DGKB: variants seen among roughly 807,000 people sequenced by gnomAD.
The protein encoded by DGKB is diacylglycerol kinase beta, also known as 90 kDa diacylglycerol kinase.
In DGKB, 67 loss-of-function variants were observed where a neutral mutation model predicts 114.3. That is an observed-to-expected ratio of 0.59 (90% CI 0.48 to 0.72). The LOEUF (loss-of-function observed/expected upper bound fraction) is 0.72. DGKB is among the 30% of genes least tolerant of loss of function. The probability of loss-of-function intolerance (pLI) is 0.00; values close to 1 mark genes in which losing one functional copy is unlikely to be tolerated. For missense variants in DGKB, 907 were observed against 975.2 expected, an observed-to-expected ratio of 0.93 and a Z score of 0.93; for synonymous variants, 398 against 323.1, an observed-to-expected ratio of 1.23 and a Z score of -2.49.
intron 21 of DGKB, among the ~76,000 whole-genome samples, chr7:14,359,524 C>A (rs1259831320): frequency 6.6e-6 from 1 of 151,564 alleles, no homozygotes. Context: ...TCAGAGTGAA[C>A]AGGCAACCTA....
Position 14,926,075 on chromosome 7 carries a change from C to A in DGKB, c.-188+48621G>T, listed in dbSNP as rs111764431. Among the ~76,000 whole-genome samples the A allele has an allele frequency of 2.6e-4, 40 of 152,132 alleles. 2 individuals are homozygous for A. The highest frequency in any genetic ancestry group is 9.4e-4 in the African/African-American group (39 of 41,534). On this transcript the variant is annotated intron_variant, in intron 1 of 4. Transcript: ENST00000437998. ...CAAATTGAAAGAAAAATCCTATAAT[C>A]CTAGTTTGCAGGGAGTTTTTATCAT... is the stretch of plus-strand genomic sequence containing the variant.
chr7:14,940,439 A>G (rs1418737467), intron 1 of DGKB, among the ~76,000 whole-genome samples: 1 of 152,084 alleles, frequency 6.6e-6, no homozygotes. Context: ...GCTGAGAAGA[A>G]CAGAATTCTT....
chr7:14,173,328 T>C (rs184094403), intron 25 of DGKB, among the ~76,000 whole-genome samples: 18 of 152,334 alleles, frequency 1.2e-4, no homozygotes, highest in Admixed American at 1.0e-3. Flanking sequence ...GACTTTTTTA[T>C]TGTGGTAAAA....
chr7:14,300,509 G>A (rs146495963), intron 23 of DGKB, among the ~76,000 whole-genome samples: 125 of 152,160 alleles, frequency 8.2e-4, no homozygotes, highest in African/African-American at 2.6e-3. Flanking sequence ...GTGTGAAAAT[G>A]ACTGCTTATT....
chr7:14,295,704 T>A (rs1045919169), intron 23 of DGKB, among the ~76,000 whole-genome samples: 11 of 152,120 alleles, frequency 7.2e-5, no homozygotes, highest in Admixed American at 3.3e-4. Context: ...CAAGACTTTT[T>A]AAAAAATTAT....
intron 4 of DGKB, among the ~76,000 whole-genome samples, chr7:14,741,433 C>T (rs1468231003): frequency 6.6e-6 from 1 of 152,162 alleles, no homozygotes; most frequent in Non-Finnish European, 1.5e-5. Flanking sequence ...AAGAGGAGTA[C>T]CTTAGGATGG....
At chr7:14,288,240 T>C (rs898032954) in intron 23 of DGKB, among the ~76,000 whole-genome samples, 3 of 144,060 alleles carry the variant, frequency 2.1e-5, no homozygotes, top group Non-Finnish European at 4.5e-5. Context: ...TTTAATTTTT[T>C]TTTTTTGTTA....
intron 2 of DGKB, among the ~76,000 whole-genome samples, chr7:14,792,000 T>G (rs532225009): frequency 6.6e-6 from 1 of 152,298 alleles, no homozygotes; most frequent in South Asian, 2.1e-4. Context: ...GAGTATTCCC[T>G]TCCCTTCTAT....
chr7:14,256,838 G>GT (rs1350022927), intron 23 of DGKB, among the ~76,000 whole-genome samples: 30 of 133,836 alleles, frequency 2.2e-4, no homozygotes, highest in Admixed American at 9.6e-4. Flanking sequence ...GCTTCTCCTT[G>GT]GTTTTTCTAT....
At chr7:14,160,770 T>G (rs1385654551) in intron 25 of DGKB, among the ~76,000 whole-genome samples, 1 of 152,080 alleles carries the variant, frequency 6.6e-6, no homozygotes, top group Non-Finnish European at 1.5e-5. Flanking sequence ...AAAAACTACT[T>G]TAAATTTCAT....
intron 21 of DGKB, among the ~76,000 whole-genome samples, chr7:14,461,411 G>T (rs1435955077): frequency 6.6e-6 from 1 of 151,722 alleles, no homozygotes; most frequent in African/African-American, 2.4e-5. Flanking sequence ...GTAAAAAATG[G>T]TAAAGGGGAT....
chr7:14,662,148 A>G lies in DGKB; in HGVS notation c.1134+10781T>C, dbSNP rs186856188. ...TGCAGCGCACCAGCATGGCACATGT[A>G]TACATATGTAACTAACCTGCATGTT... On this transcript the variant is annotated intron_variant, in intron 13 of 25. Transcript: ENST00000402815. 6.8e-3 allele frequency among the ~76,000 whole-genome samples: 1,041 copies of G among 152,158 alleles called. 16 individuals are homozygous for G. The highest frequency in any genetic ancestry group is 0.022 in the African/African-American group (929 of 41,500).
intron 17 of DGKB, among the ~76,000 whole-genome samples, chr7:14,592,313 T>C (rs1466717286): frequency 6.6e-6 from 1 of 151,908 alleles, no homozygotes; most frequent in Non-Finnish European, 1.5e-5. Flanking sequence ...TTCCTCGTTC[T>C]TGTTTAGAAA....
At chr7:14,847,117 C>T (rs1174887457) in intron 1 of DGKB, among the ~76,000 whole-genome samples, 2 of 151,896 alleles carry the variant, frequency 1.3e-5, no homozygotes, top group Admixed American at 6.6e-5. Context: ...GGTGAAACCC[C>T]GTCTCTACTA....
At chr7:14,196,097 G>A (rs1208770942) in intron 23 of DGKB, among the ~76,000 whole-genome samples, 6 of 152,086 alleles carry the variant, frequency 3.9e-5, no homozygotes, top group Non-Finnish European at 8.8e-5. Context: ...ACCCTGCTGA[G>A]TTCAAGGCTC....
chr7:14,183,276 A>G lies in DGKB; in HGVS notation c.2123-5125T>C, dbSNP rs191092210. Among the ~76,000 whole-genome samples, 555 of 152,358 alleles carry G rather than the reference A, an allele frequency of 3.6e-3. 2 individuals are homozygous for G. Among genetic ancestry groups the G allele is most frequent in the African/African-American group, 0.013 (530 of 41,588 alleles). On this transcript the variant is annotated intron_variant, in intron 23 of 25. Coordinates refer to ENST00000402815, the MANE Select transcript of DGKB (RefSeq NM_001350709.2). ...TCAATGATTCGTCTTCAAAATGTCC[A>G]TCTACTTCTAATTGATTCTTAATTT...
chr7:14,800,359 A>G (rs1841995606), intron 2 of DGKB, among the ~76,000 whole-genome samples: 1 of 152,206 alleles, frequency 6.6e-6, no homozygotes, highest in Non-Finnish European at 1.5e-5. Context: ...AGAAATTAAC[A>G]TTTGAGTCAG....
At chr7:14,810,573 G>C (rs966894561) in intron 2 of DGKB, among the ~76,000 whole-genome samples, 3 of 152,060 alleles carry the variant, frequency 2.0e-5, no homozygotes, top group Non-Finnish European at 2.9e-5. Flanking sequence ...AAAACACTAA[G>C]GAATAAATTT....
intron 23 of DGKB, among the ~76,000 whole-genome samples, chr7:14,279,596 G>A (rs1395992619): frequency 3.9e-5 from 6 of 152,112 alleles, no homozygotes; most frequent in Non-Finnish European, 7.4e-5. Context: ...CTCTCTTCTG[G>A]CTTGTAGGGT....
Sources: allele counts gnomAD v4.1 joint callset (sites outside exome capture counted in the v4.1 genomes callset), GRCh38; gene constraint gnomAD v4.1.1; transcripts MANE v1.5; gene names NCBI Gene and HGNC (gene_info 2026-07-23, HGNC 2026-07-21).